The following PICK1 variants were observed in gnomAD, a reference collection of about 807,000 sequenced individuals.
The protein encoded by PICK1 is protein interacting with PRKCA 1, also known as PRKCA-binding protein.
A neutral mutation model predicts 48.9 loss-of-function variants in PICK1; 23 were observed. That is an observed-to-expected ratio of 0.47 (90% CI 0.34 to 0.67). The LOEUF is 0.67. PICK1 is among the 30% of genes least tolerant of loss of function. The pLI, the probability that PICK1 is intolerant of heterozygous loss-of-function variation, is 0.01. For synonymous variants in PICK1, 217 were observed against 228.2 expected, an observed-to-expected ratio of 0.95 and a Z score of 0.44; for missense variants, 423 against 557.1, an observed-to-expected ratio of 0.76 and a Z score of 2.42.
chr22:38,070,993 A>G, intron 7 of PICK1, 102 bp downstream of exon 7: 1 of 879,528 alleles, frequency 1.1e-6, no homozygotes, highest in Non-Finnish European at 1.9e-6. Flanking sequence ...GCCAGCCTAC[A>G]AAATACTAGG....
At chr22:38,059,462 T>A (rs713729) in intron 3 of PICK1, 117 bp downstream of exon 3, 184,299 of 759,668 alleles carry the variant, frequency 0.24, 24,602 homozygotes, top group Non-Finnish European at 0.28. Flanking sequence ...TCTGACCCTC[T>A]CAGAGGGGCT....
chr22:38,071,499 G>A (rs1038043020), intron 7 of PICK1, among the ~76,000 whole-genome samples, 183 bp from the exon 8 acceptor site: 3 of 152,210 alleles, frequency 2.0e-5, no homozygotes, highest in Non-Finnish European at 4.4e-5. Context: ...TGTCTGATGG[G>A]GCTCCTCACG....
chr22:38,060,067 T>C (rs1482529555), intron 3 of PICK1, among the ~76,000 whole-genome samples: 2 of 152,128 alleles, frequency 1.3e-5, no homozygotes, highest in Non-Finnish European at 2.9e-5. Context: ...AAAAATTAGC[T>C]GGGCGTGGTG....
At chr22:38,069,160 C>T (rs1219946757) in intron 6 of PICK1, 38 bp downstream of exon 6, 2 of 1,462,558 alleles carry the variant, frequency 1.4e-6, no homozygotes, top group Middle Eastern at 2.0e-4. Context: ...CCCGGGGACT[C>T]AAGCCCAGGC....
At chr22:38,065,263 T>G in intron 4 of PICK1, 133 bp downstream of exon 4, 1 of 851,748 alleles carries the variant, frequency 1.2e-6, no homozygotes, top group South Asian at 1.4e-5. Context: ...ATGTGCAGGG[T>G]CAGGGTCACA....
In PICK1 at chr22:38,074,126, GA is replaced by G. The variant is rs1460584597; in HGVS notation, c.835-179del. The stretch of plus-strand genomic sequence containing the variant: ...ATCCATTTCGTGGCCAGTGTTCATT[GA>G]ATGTGGCAGAGGTTTGGGTTTGGTT... On this transcript the variant is annotated intron_variant, in intron 11 of 12. Coordinates refer to ENST00000356976, the MANE Select transcript of PICK1 (RefSeq NM_012407.4). This position sits in a 1 kb window ranked among gnomAD's most constrained non-coding sequence, Gnocchi z 4.5. 1 of 700,812 alleles carries G rather than the reference GA, an allele frequency of 1.4e-6. No individual in the cohort carries two copies. Among genetic ancestry groups the G allele is most frequent in the Non-Finnish European group, 2.4e-6 (1 of 421,154 alleles). 43.4% of individuals were successfully genotyped at this position (700,812 alleles called of 1,614,324 possible). A position where few individuals can be genotyped will look rare whatever the true frequency, so the allele number is the denominator to read the frequency against.
At position 38,073,872 on chromosome 22, in the gene PICK1, G is replaced by A. The variant is rs1343032955; in HGVS notation, c.834+49G>A. On this transcript the variant is annotated intron_variant, in intron 11 of 12. Coordinates refer to ENST00000356976, the MANE Select transcript of PICK1 (RefSeq NM_012407.4). The surrounding 1 kb of genome is among the most constrained non-coding windows in gnomAD (Gnocchi z 5.7). ...GCTTGTACTTCCCCCCACCTGGTCTGCCAGGGATAGCAGGTGGCTCAGGCC... is the reference window on the plus strand; with the variant it reads ...GCTTGTACTTCCCCCCACCTGGTCTACCAGGGATAGCAGGTGGCTCAGGCC... The A allele has an allele frequency of 6.4e-7, 1 of 1,573,328 alleles. No individual in the cohort carries two copies. The highest frequency in any genetic ancestry group is 8.7e-7 in the Non-Finnish European group (1 of 1,143,600).
In PICK1 at chr22:38,074,057, C is replaced by T; in HGVS notation, c.834+234C>T. The T allele has an allele frequency of 1.6e-6, 1 of 633,570 alleles. No homozygotes were observed. Among genetic ancestry groups the T allele is most frequent in the East Asian group, 2.7e-5 (1 of 36,656 alleles). 39.2% of individuals were successfully genotyped at this position (633,570 alleles called of 1,614,324 possible). ...TTGGAGGGAAATCGGATTTTCTTCA[C>T]TCCTATGAGGCGCTTTTAAGTGTTT... On this transcript the variant is annotated intron_variant, in intron 11 of 12. Transcript: ENST00000356976. The surrounding 1 kb of genome is among the most constrained non-coding windows in gnomAD (Gnocchi z 4.5).
At chr22:38,067,204 G>A (rs1486984254) in intron 4 of PICK1, among the ~76,000 whole-genome samples, 1 of 152,118 alleles carries the variant, frequency 6.6e-6, no homozygotes, top group Non-Finnish European at 1.5e-5. Flanking sequence ...GATTCCCCAG[G>A]GCTTGGATGT....
chr22:38,057,481 ACGCTTC>A lies in PICK1; in HGVS notation c.-161_-156del. On this transcript the variant is annotated 5_prime_UTR_variant, in exon 1 of 13. Coordinates refer to ENST00000356976, the MANE Select transcript of PICK1 (RefSeq NM_012407.4). ...TGGCCGGGACCCGGCTGTGGGACCAACGCTTCCGGTGAGCGACAGAGGCAGCTCCCC... is the reference window on the plus strand; with the variant it reads ...TGGCCGGGACCCGGCTGTGGGACCAACGGTGAGCGACAGAGGCAGCTCCCC... 2.6e-6 allele frequency: 1 copy of A among 390,002 alleles called. No individual in the cohort carries two copies. Among genetic ancestry groups the A allele is most frequent in the South Asian group, 3.6e-5 (1 of 27,622 alleles). The allele number at this position is 390,002 out of a possible 1,614,324, so 24.2% of individuals were successfully genotyped here. A position where few individuals can be genotyped will look rare whatever the true frequency, so the allele number is the denominator to read the frequency against.
intron 4 of PICK1, chr22:38,065,360 G>T: frequency 7.8e-6 from 4 of 512,086 alleles, no homozygotes; most frequent in Non-Finnish European, 1.5e-5. Flanking sequence ...AAGAGAGTGG[G>T]CAGCAAGACC....
At chr22:38,069,186 G>A in intron 6 of PICK1, 64 bp downstream of exon 6, 2 of 1,196,224 alleles carry the variant, frequency 1.7e-6, no homozygotes, top group South Asian at 1.3e-5. Flanking sequence ...AGAGTGGGGG[G>A]CACCATGGCT....
In PICK1 at chr22:38,072,529, G is replaced by A. The variant is rs34821762; in HGVS notation, c.609G>A (p.Ala203=). 64 of 1,613,606 alleles carry A rather than the reference G, an allele frequency of 4.0e-5. No individual in the cohort carries two copies. The highest frequency in any genetic ancestry group is 4.5e-5 in the Non-Finnish European group (53 of 1,180,036). The stretch of plus-strand genomic sequence containing the variant: ...GGGTGCGGGAGCCCCAGCCAGCTGC[G>A]AGCGAGGCTTTTGTGAAGTTCGCCG... ...VIGVREPQPA[A]SEAFVKFADA... is the part of the protein sequence containing the mutation. The change falls in exon 9 of 13, where the codon GCG becomes GCA. Residue 203 remains alanine, a synonymous_variant. Transcript: ENST00000356976.
At position 38,075,531 on chromosome 22, in the gene PICK1, A is replaced by AG. The variant is rs941889378; in HGVS notation, c.*401dup. On this transcript the variant is annotated 3_prime_UTR_variant, in exon 13 of 13. Coordinates refer to ENST00000356976, the MANE Select transcript of PICK1 (RefSeq NM_012407.4). ...GAGTGGGGCCAGCCGTGGACAGCTG[A>AG]GGTTGGGGTCAATGCCTCCTGGGCA... is the stretch of plus-strand genomic sequence containing the variant. 4.5e-5 allele frequency: 9 copies of AG among 201,428 alleles called. No individual in the cohort carries two copies. Among genetic ancestry groups the AG allele is most frequent in the African/African-American group, 2.1e-4 (9 of 43,482 alleles). 12.5% of individuals were successfully genotyped at this position (201,428 alleles called of 1,614,324 possible). A position where few individuals can be genotyped will look rare whatever the true frequency, so the allele number is the denominator to read the frequency against.
Position 38,074,578 on chromosome 22 carries a change from C to T in PICK1, c.979+127C>T, listed in dbSNP as rs1372948112. On this transcript the variant is annotated intron_variant, in intron 12 of 12. Coordinates refer to ENST00000356976, the MANE Select transcript of PICK1 (RefSeq NM_012407.4). This position sits in a 1 kb window ranked among gnomAD's most constrained non-coding sequence, Gnocchi z 4.5. ...CCCCTCCAGGAGCCCAGCCATCTGC[C>T]CAGAGCCTGGCCTGGGTGGAGCTGG... 1 of 1,350,288 alleles carries T rather than the reference C, an allele frequency of 7.4e-7. No individual in the cohort carries two copies. The highest frequency in any genetic ancestry group is 1.3e-5 in the South Asian group (1 of 79,982). 83.6% of individuals were successfully genotyped at this position (1,350,288 alleles called of 1,614,324 possible).
intron 6 of PICK1, among the ~76,000 whole-genome samples, chr22:38,069,509 C>T (rs922314935): frequency 2.0e-5 from 3 of 152,202 alleles, no homozygotes; most frequent in Non-Finnish European, 2.9e-5. Flanking sequence ...GTGGTGGCTG[C>T]GCAGGCGAGG....
At chr22:38,061,784 G>A (rs891172845) in intron 3 of PICK1, among the ~76,000 whole-genome samples, 1 of 152,172 alleles carries the variant, frequency 6.6e-6, no homozygotes, top group Admixed American at 6.6e-5. Context: ...GCCTCCCAAA[G>A]TGCTGGGATT....
chr22:38,059,464 A>C, intron 3 of PICK1, 119 bp downstream of exon 3: 2 of 750,778 alleles, frequency 2.7e-6, no homozygotes, highest in Admixed American at 2.0e-5. Context: ...TGACCCTCTC[A>C]GAGGGGCTTT....
At chr22:38,065,285 C>A in intron 4 of PICK1, 155 bp downstream of exon 4, 1 of 726,736 alleles carries the variant, frequency 1.4e-6, no homozygotes, top group Non-Finnish European at 2.5e-6. Flanking sequence ...TCCAGCCTCC[C>A]TCATCCATCC....
Sources: gnomAD v4.1 joint callset for allele counts (sites outside exome capture counted in the v4.1 genomes callset) on GRCh38, gnomAD v4.1.1 for gene constraint, Gnocchi (gnomAD v3.1) non-coding constraint, MANE v1.5 for transcripts, NCBI Gene and HGNC (gene_info 2026-07-23, HGNC 2026-07-21) for gene names.